Variants in ATXN1 observed in about 807,000 individuals in gnomAD.
ATXN1 encodes ataxin 1.
In ATXN1, 8 loss-of-function variants were observed where a neutral mutation model predicts 56.4. That is an observed-to-expected ratio of 0.14 (90% CI 0.08 to 0.26). The LOEUF is 0.26. ATXN1 is among the 10% of genes least tolerant of loss of function. The pLI is 1.00. For synonymous variants in ATXN1, 514 were observed against 494.6 expected, an observed-to-expected ratio of 1.04 and a Z score of -0.52; for missense variants, 987 against 1,106.5, an observed-to-expected ratio of 0.89 and a Z score of 1.53.
At chr6:16,445,682 C>T (rs1759619881) in intron 6 of ATXN1, among the ~76,000 whole-genome samples, 1 of 110,624 alleles carries the variant, frequency 9.0e-6, no homozygotes, top group Non-Finnish European at 1.8e-5. Flanking sequence ...CCTCCCCCCA[C>T]CCCACAACAG....
At chr6:16,310,931 C>T (rs978192150) in intron 7 of ATXN1, among the ~76,000 whole-genome samples, 1 of 152,164 alleles carries the variant, frequency 6.6e-6, no homozygotes, top group Admixed American at 6.5e-5. Flanking sequence ...TCTGATTGAT[C>T]TAGTTCTGAT....
At chr6:16,703,138 A>G (rs914978954) in intron 2 of ATXN1, among the ~76,000 whole-genome samples, 26 of 152,144 alleles carry the variant, frequency 1.7e-4, no homozygotes, top group African/African-American at 6.3e-4. Flanking sequence ...ACACCAGGGA[A>G]TACTATGCAG....
chr6:16,749,495 T>G (rs1008444873), intron 2 of ATXN1, among the ~76,000 whole-genome samples: 1 of 152,182 alleles, frequency 6.6e-6, no homozygotes, highest in African/African-American at 2.4e-5. Context: ...AAGTTCCTAT[T>G]TTTTTAAAGG....
chr6:16,552,197 G>A (rs1761934124), intron 4 of ATXN1, among the ~76,000 whole-genome samples: 1 of 152,118 alleles, frequency 6.6e-6, no homozygotes, highest in Non-Finnish European at 1.5e-5. Flanking sequence ...TCCAGAATAA[G>A]GATCCTAAAT....
chr6:16,605,334 T>C (rs900179974), intron 3 of ATXN1, among the ~76,000 whole-genome samples: 1 of 152,144 alleles, frequency 6.6e-6, no homozygotes, highest in Non-Finnish European at 1.5e-5. Flanking sequence ...CGCTTTCACT[T>C]CACAGATGTA....
intron 5 of ATXN1, among the ~76,000 whole-genome samples, chr6:16,489,756 T>C (rs1760622715): frequency 6.6e-6 from 1 of 152,048 alleles, no homozygotes; most frequent in South Asian, 2.1e-4. Flanking sequence ...AGTTCAAGGC[T>C]GCAATGCACT....
At chr6:16,423,591 C>CCA (rs1759079622) in intron 6 of ATXN1, among the ~76,000 whole-genome samples, 1 of 152,128 alleles carries the variant, frequency 6.6e-6, no homozygotes, top group African/African-American at 2.4e-5. Flanking sequence ...ATGACGCTCC[C>CCA]CAGTGAGGTG....
intron 2 of ATXN1, among the ~76,000 whole-genome samples, chr6:16,679,479 A>T (rs1758768362): frequency 1.3e-5 from 2 of 152,162 alleles, no homozygotes; most frequent in Admixed American, 1.3e-4. Flanking sequence ...AAGAGAAGGG[A>T]AATATAGTGG....
At chr6:16,324,255 C>G (rs1470563633) in intron 7 of ATXN1, among the ~76,000 whole-genome samples, 5 of 152,086 alleles carry the variant, frequency 3.3e-5, no homozygotes, top group Non-Finnish European at 5.9e-5. Flanking sequence ...CCAGCCTAGG[C>G]AACACAGCAA....
At chr6:16,404,253 T>C (rs1477766789) in intron 6 of ATXN1, among the ~76,000 whole-genome samples, 2 of 152,156 alleles carry the variant, frequency 1.3e-5, no homozygotes, top group African/African-American at 2.4e-5. Context: ...CTGAAAATAT[T>C]TTCTTGGAGA....
At chr6:16,456,114 C>T (rs1432000429) in intron 6 of ATXN1, among the ~76,000 whole-genome samples, 2 of 152,168 alleles carry the variant, frequency 1.3e-5, no homozygotes, top group African/African-American at 4.8e-5. Context: ...TCGCTCTTCA[C>T]AGTTAACCTT....
intron 4 of ATXN1, among the ~76,000 whole-genome samples, chr6:16,555,963 G>C (rs1308874410): frequency 6.6e-6 from 1 of 152,138 alleles, no homozygotes; most frequent in Non-Finnish European, 1.5e-5. Context: ...TCTCTAGTTT[G>C]GCTTTCTTTG....
At chr6:16,696,501 T>C (rs1210309132) in intron 2 of ATXN1, among the ~76,000 whole-genome samples, 1 of 152,226 alleles carries the variant, frequency 6.6e-6, no homozygotes, top group African/African-American at 2.4e-5. Context: ...CCGGAAAATG[T>C]TGAGTTTTCT....
At chr6:16,699,864 G>A (rs879461569) in intron 2 of ATXN1, among the ~76,000 whole-genome samples, 39 of 151,998 alleles carry the variant, frequency 2.6e-4, no homozygotes, top group Non-Finnish European at 2.8e-4. Context: ...TTTTGCTCAC[G>A]AACATTTTTT....
chr6:16,422,683 G>A (rs1488509222), intron 6 of ATXN1, among the ~76,000 whole-genome samples: 1 of 152,142 alleles, frequency 6.6e-6, no homozygotes, highest in Admixed American at 6.5e-5. Context: ...ACACACCTAT[G>A]CCTTTTACAA....
At chr6:16,428,308 G>A (rs9477130) in intron 6 of ATXN1, among the ~76,000 whole-genome samples, 1,847 of 151,762 alleles carry the variant, frequency 0.012, 42 homozygotes, top group African/African-American at 0.042. Flanking sequence ...TAGTTGCGAC[G>A]GGGTTTCACC....
intron 6 of ATXN1, among the ~76,000 whole-genome samples, chr6:16,376,217 A>C (rs1042779562): frequency 1.3e-5 from 2 of 152,220 alleles, no homozygotes; most frequent in African/African-American, 4.8e-5. Context: ...ATTAGGAAAA[A>C]AGCCCTTTCA....
intron 6 of ATXN1, among the ~76,000 whole-genome samples, chr6:16,419,079 G>A (rs1455255798): frequency 3.9e-5 from 6 of 152,112 alleles, no homozygotes; most frequent in Admixed American, 3.9e-4. Context: ...TAAGGGTAAT[G>A]ATGGTACATA....
At chr6:16,742,871 A>C (rs1243456291) in intron 2 of ATXN1, among the ~76,000 whole-genome samples, 1 of 152,162 alleles carries the variant, frequency 6.6e-6, no homozygotes, top group African/African-American at 2.4e-5. Context: ...CCTTAACCTA[A>C]ATCTAACCAA....
Sources: allele counts gnomAD v4.1 joint callset (sites outside exome capture counted in the v4.1 genomes callset), GRCh38; gene constraint gnomAD v4.1.1; transcripts MANE v1.5; gene names NCBI Gene and HGNC (gene_info 2026-07-23, HGNC 2026-07-21).